The following GRXCR2 variants were observed in gnomAD, a reference collection of about 807,000 sequenced individuals.
GRXCR2 encodes the protein glutaredoxin and cysteine rich domain containing 2, also known as glutaredoxin domain-containing cysteine-rich protein 2.
GRXCR2 carries 23 observed loss-of-function variants against 24.8 expected under a neutral mutation model. The ratio of observed to expected loss-of-function variants is 0.93; its 90% CI spans 0.67 to 1.32. The LOEUF is 1.32. Among genes scored for constraint, GRXCR2 ranks in the 40% most tolerant of loss-of-function variants. GRXCR2 has a pLI of 0.00. For missense variants in GRXCR2, 315 were observed against 303.4 expected (o/e 1.04, Z -0.28); for synonymous variants, 130 against 116.1 (o/e 1.12, Z -0.77).
chr5:145,869,876 C>A (rs1380469755), intron 1 of GRXCR2, among the ~76,000 whole-genome samples: 1 of 152,038 alleles, frequency 6.6e-6, no homozygotes, highest in East Asian at 1.9e-4. Context: ...TATGTGTTAT[C>A]TTTTAAAATC....
chr5:145,888,757 T>C (rs891906439), intron 2 of GRXCR2, among the ~76,000 whole-genome samples: 17 of 152,196 alleles, frequency 1.1e-4, no homozygotes, highest in African/African-American at 3.9e-4. Flanking sequence ...GTATGCAAGA[T>C]ACAAATAATT....
chr5:145,927,433 C>T (rs1313944392), intron 2 of GRXCR2, among the ~76,000 whole-genome samples: 1 of 152,150 alleles, frequency 6.6e-6, no homozygotes, highest in Non-Finnish European at 1.5e-5. Context: ...GAGTTTTTAG[C>T]ATGAAGCGTT....
chr5:145,870,047 G>GAT lies in GRXCR2; in HGVS notation c.336+2584_336+2585dup, dbSNP rs1057070356. Reference sequence around the variant, plus strand: ...TATCAAAGTCCTTGTTTTTTAAAAAGATATATATATATATTATCATGGTAA... The same window carrying GAT: ...TATCAAAGTCCTTGTTTTTTAAAAAGATATATATATATATATTATCATGGTAA... On this transcript the variant is annotated intron_variant, in intron 1 of 2. Coordinates refer to ENST00000377976, the MANE Select transcript of GRXCR2 (RefSeq NM_001080516.2). Among the ~76,000 whole-genome samples the GAT allele has an allele frequency of 7.3e-3, 1,103 of 151,300 alleles. 14 individuals carry two copies. The highest frequency in any genetic ancestry group is 0.025 in the African/African-American group (1,013 of 41,244).
chr5:145,918,623 T>C (rs933163567), intron 2 of GRXCR2, among the ~76,000 whole-genome samples: 1 of 152,202 alleles, frequency 6.6e-6, no homozygotes, highest in African/African-American at 2.4e-5. Flanking sequence ...CCCAGCACTG[T>C]GCTGCAAGCA....
chr5:145,910,868 A>G (rs1177134230), intron 2 of GRXCR2, among the ~76,000 whole-genome samples: 3 of 146,436 alleles, frequency 2.0e-5, no homozygotes, highest in Admixed American at 2.0e-4. Flanking sequence ...GTACCCGTGC[A>G]TGCACACACA....
chr5:145,900,197 G>A lies in GRXCR2; in HGVS notation c.-69-33469C>T, dbSNP rs138394239. Among the ~76,000 whole-genome samples the A allele has an allele frequency of 2.4e-4, 37 of 152,136 alleles. No individual in the cohort carries two copies. The South Asian group carries it at 3.9e-3, about 16-fold the overall frequency. Reference sequence around the variant, plus strand: ...TGGTGGGAGGTGATTGGATCATGGGGGCGGATTTCCCTCTTGCTGTTCTCC... The same window carrying A: ...TGGTGGGAGGTGATTGGATCATGGGAGCGGATTTCCCTCTTGCTGTTCTCC... On this transcript the variant is annotated intron_variant, in intron 2 of 3. Coordinates refer to the GRXCR2 transcript ENST00000639411.
chr5:145,893,220 T>A (rs1431018371), intron 2 of GRXCR2, among the ~76,000 whole-genome samples: 1 of 152,150 alleles, frequency 6.6e-6, no homozygotes, highest in Non-Finnish European at 1.5e-5. Context: ...AGAAACTGCA[T>A]CAATTAACAG....
intron 2 of GRXCR2, among the ~76,000 whole-genome samples, chr5:145,925,495 A>C (rs1364141188): frequency 6.6e-6 from 1 of 152,150 alleles, no homozygotes; most frequent in African/African-American, 2.4e-5. Flanking sequence ...GGTGAAGCTA[A>C]GTTTCTAAAG....
intron 2 of GRXCR2, among the ~76,000 whole-genome samples, chr5:145,916,136 G>A (rs1052416106): frequency 8.5e-5 from 13 of 152,056 alleles, no homozygotes; most frequent in Non-Finnish European, 1.3e-4. Flanking sequence ...GCTGCTCAGA[G>A]CCCCTGCTTC....
intron 2 of GRXCR2, among the ~76,000 whole-genome samples, chr5:145,908,072 G>A (rs1757115149): frequency 6.6e-6 from 1 of 152,314 alleles, no homozygotes; most frequent in Admixed American, 6.5e-5. Context: ...CTATGAGGAA[G>A]ATGCTCTAGC....
At chr5:145,877,802 C>T (rs1422818095), upstream of GRXCR2, among the ~76,000 whole-genome samples, 2 of 152,174 alleles carry the variant, frequency 1.3e-5, no homozygotes, top group Non-Finnish European at 2.9e-5. Context: ...GGTGGGTGCC[C>T]CTCTGGGATG....
chr5:145,863,812 G>A (rs1051331791), intron 2 of GRXCR2, among the ~76,000 whole-genome samples: 1 of 152,158 alleles, frequency 6.6e-6, no homozygotes, highest in Non-Finnish European at 1.5e-5. Context: ...ATAGTTCTGT[G>A]TAGAACATGA....
At chr5:145,888,025 C>T (rs576467890) in intron 2 of GRXCR2, among the ~76,000 whole-genome samples, 38 of 152,224 alleles carry the variant, frequency 2.5e-4, no homozygotes, top group African/African-American at 8.9e-4. Flanking sequence ...GTTATATTTG[C>T]AGGTAATTGT....
intron 2 of GRXCR2, among the ~76,000 whole-genome samples, chr5:145,927,071 T>C (rs1346094916): frequency 1.3e-5 from 2 of 152,360 alleles, no homozygotes. Flanking sequence ...TTTTTGCACA[T>C]TGATTTCGTA....
At chr5:145,925,576 C>T (rs1011196909) in intron 2 of GRXCR2, among the ~76,000 whole-genome samples, 3 of 152,146 alleles carry the variant, frequency 2.0e-5, no homozygotes, top group Non-Finnish European at 4.4e-5. Context: ...ACAAATGAGT[C>T]ATCCTCATCA....
At chr5:145,860,077 C>A (rs1756309114) in intron 2 of GRXCR2, among the ~76,000 whole-genome samples, 162 bp from the exon 3 acceptor site, 1 of 152,220 alleles carries the variant, frequency 6.6e-6, no homozygotes, top group Non-Finnish European at 1.5e-5. Context: ...AGAATAGTTA[C>A]AGCAATTTTA....
chr5:145,880,461 T>C (rs555789841), intron 2 of GRXCR2, among the ~76,000 whole-genome samples: 25 of 152,062 alleles, frequency 1.6e-4, no homozygotes, highest in Non-Finnish European at 3.4e-4. Context: ...ATGGATAAAT[T>C]CCTGGACACA....
chr5:145,897,381 A>C (rs1238742611), intron 2 of GRXCR2, among the ~76,000 whole-genome samples: 6 of 152,128 alleles, frequency 3.9e-5, no homozygotes, highest in Non-Finnish European at 7.4e-5. Flanking sequence ...GAACTTTAAC[A>C]CACCACTGAC....
At chr5:145,858,159 C>T (rs1294735415), downstream of GRXCR2, among the ~76,000 whole-genome samples, 1 of 151,974 alleles carries the variant, frequency 6.6e-6, no homozygotes, top group Non-Finnish European at 1.5e-5. Flanking sequence ...ACTAAAAATA[C>T]AAAAATTAGC....
Sources: gnomAD v4.1 joint callset for allele counts (sites outside exome capture counted in the v4.1 genomes callset) on GRCh38, gnomAD v4.1.1 for gene constraint, MANE v1.5 for transcripts, NCBI Gene and HGNC (gene_info 2026-07-23, HGNC 2026-07-21) for gene names.